PPP2R2B: variants seen among roughly 807,000 people sequenced by gnomAD.
PPP2R2B encodes serine/threonine-protein phosphatase 2A 55 kDa regulatory subunit B beta isoform.
PPP2R2B carries 5 observed loss-of-function variants against 46.0 expected under a neutral mutation model. The observed-to-expected ratio is 0.11, with a 90% CI of 0.06 to 0.23. PPP2R2B has a LOEUF of 0.23. PPP2R2B is among the 10% of genes least tolerant of loss of function. The pLI is 1.00. For synonymous variants in PPP2R2B, 215 were observed against 206.7 expected, an observed-to-expected ratio of 1.04 and a Z score of -0.34; for missense variants, 367 against 575.0, an observed-to-expected ratio of 0.64 and a Z score of 3.70.
chr5:146,901,173 C>CAGAT (rs577661877), intron 1 of PPP2R2B, among the ~76,000 whole-genome samples: 170 of 152,248 alleles, frequency 1.1e-3, no homozygotes, highest in Non-Finnish European at 2.1e-3. Flanking sequence ...GCTTCCATTA[C>CAGAT]AGATAGTTAA....
intron 1 of PPP2R2B, among the ~76,000 whole-genome samples, chr5:146,905,324 A>G (rs1762961766): frequency 6.6e-6 from 1 of 152,254 alleles, no homozygotes; most frequent in Admixed American, 6.5e-5. Flanking sequence ...CCTCTCCTGC[A>G]TATTTATTAG....
intron 1 of PPP2R2B, among the ~76,000 whole-genome samples, chr5:146,930,405 C>T (rs559501567): frequency 2.0e-5 from 3 of 152,126 alleles, no homozygotes; most frequent in Non-Finnish European, 4.4e-5. Context: ...ATAACACTAA[C>T]CCCTCTGGGT....
At chr5:147,080,116 CT>C (rs1178236646) in intron 2 of PPP2R2B, among the ~76,000 whole-genome samples, 1 of 152,162 alleles carries the variant, frequency 6.6e-6, no homozygotes, top group Non-Finnish European at 1.5e-5. Context: ...AATAAACTGC[CT>C]CTTTCAAATT....
At chr5:146,641,651 G>A (rs1029634561) in intron 6 of PPP2R2B, among the ~76,000 whole-genome samples, 1 of 151,952 alleles carries the variant, frequency 6.6e-6, no homozygotes, top group Non-Finnish European at 1.5e-5. Context: ...GTGACTTATG[G>A]GGATGATGGG....
intron 1 of PPP2R2B, among the ~76,000 whole-genome samples, chr5:146,931,285 G>A (rs575553644): frequency 6.6e-6 from 1 of 152,256 alleles, no homozygotes; most frequent in African/African-American, 2.4e-5. Flanking sequence ...CAATCTGCTT[G>A]TTATTCTTCT....
chr5:146,999,001 G>A lies in PPP2R2B; in HGVS notation c.79+56664C>T, dbSNP rs376016221. On this transcript the variant is annotated intron_variant, in intron 1 of 8. Transcript: ENST00000336640. ...TGCACTCCAGCCTGGGAGACAGAGCGAGACTCCATATCAAAAAAAAAAAAA... is the reference window on the plus strand; with the variant it reads ...TGCACTCCAGCCTGGGAGACAGAGCAAGACTCCATATCAAAAAAAAAAAAA... 7.9e-3 allele frequency among the ~76,000 whole-genome samples: 927 copies of A among 117,464 alleles called. 8 individuals carry two copies. The highest frequency in any genetic ancestry group is 0.028 in the African/African-American group (888 of 31,268). The allele number at this position is 117,464 out of a possible 152,430, so 77.1% of individuals were successfully genotyped here.
At chr5:146,629,685 C>T (rs1257422443) in intron 7 of PPP2R2B, among the ~76,000 whole-genome samples, 4 of 152,088 alleles carry the variant, frequency 2.6e-5, no homozygotes, top group African/African-American at 7.2e-5. Flanking sequence ...GCCTACCTCT[C>T]TGGCTTCACT....
intron 2 of PPP2R2B, among the ~76,000 whole-genome samples, chr5:146,740,427 A>T (rs2151219490): frequency 6.6e-6 from 1 of 152,282 alleles, no homozygotes; most frequent in South Asian, 2.1e-4. Flanking sequence ...CACCATGGGA[A>T]GAGGCTGTTG....
chr5:146,655,869 C>T (rs1305149729), intron 5 of PPP2R2B, among the ~76,000 whole-genome samples: 2 of 112,890 alleles, frequency 1.8e-5, no homozygotes, highest in African/African-American at 3.4e-5. Context: ...CTAGGCAGGG[C>T]TTGAAGGGTG....
At chr5:146,710,680 T>C (rs1193922338) in intron 2 of PPP2R2B, among the ~76,000 whole-genome samples, 1 of 152,270 alleles carries the variant, frequency 6.6e-6, no homozygotes, top group Non-Finnish European at 1.5e-5. Context: ...AGTAATTAAC[T>C]GCTCAGGCAA....
intron 2 of PPP2R2B, among the ~76,000 whole-genome samples, chr5:146,742,333 G>A (rs1039871132): frequency 3.9e-5 from 6 of 152,092 alleles, no homozygotes; most frequent in Non-Finnish European, 7.4e-5. Flanking sequence ...AAATCTTACC[G>A]TTGGAGAGAC....
chr5:147,039,586 ACTG>A (rs1756200862), intron 1 of PPP2R2B, among the ~76,000 whole-genome samples: 1 of 152,170 alleles, frequency 6.6e-6, no homozygotes, highest in Non-Finnish European at 1.5e-5. Flanking sequence ...ATTAGCCACA[ACTG>A]CTCAGAAACC....
chr5:146,733,162 A>G (rs1381438250), intron 2 of PPP2R2B, among the ~76,000 whole-genome samples: 3 of 152,302 alleles, frequency 2.0e-5, no homozygotes, highest in Non-Finnish European at 4.4e-5. Flanking sequence ...TGTTCCCGCA[A>G]TCTGGTTACT....
intron 2 of PPP2R2B, among the ~76,000 whole-genome samples, chr5:146,777,622 T>C (rs1316082617): frequency 6.6e-6 from 1 of 151,888 alleles, no homozygotes; most frequent in Admixed American, 6.6e-5. Flanking sequence ...AATTTTATGT[T>C]ATATATATTT....
chr5:146,778,906 A>C (rs930539323), intron 2 of PPP2R2B, among the ~76,000 whole-genome samples: 1 of 152,184 alleles, frequency 6.6e-6, no homozygotes, highest in Non-Finnish European at 1.5e-5. Flanking sequence ...CTATGGAAAA[A>C]CAGAGCCGGA....
At chr5:146,700,498 A>G (rs1019316683) in intron 3 of PPP2R2B, among the ~76,000 whole-genome samples, 9 of 152,126 alleles carry the variant, frequency 5.9e-5, no homozygotes. Flanking sequence ...TGTAGCACTC[A>G]GCTCCAGGGC....
At chr5:146,856,561 T>C in intron 2 of PPP2R2B, 2 of 1,612,940 alleles carry the variant, frequency 1.2e-6, no homozygotes, top group Non-Finnish European at 1.7e-6. Context: ...CACTATTCTC[T>C]GTCTTGGGTT....
chr5:146,820,859 C>T (rs543262669), intron 2 of PPP2R2B, among the ~76,000 whole-genome samples: 119 of 152,304 alleles, frequency 7.8e-4, no homozygotes, highest in African/African-American at 2.8e-3. Flanking sequence ...CACTTCTCAG[C>T]TGCACCATTG....
rs75518081 is a variant in PPP2R2B, at chr5:146,920,515, G to A, written c.79+135150C>T. 5.6e-3 allele frequency among the ~76,000 whole-genome samples: 860 copies of A among 152,312 alleles called. 28 individuals carry two copies. In the East Asian group the frequency reaches 0.068, roughly 12 times the overall value. ...TCTTCAGGGAGGGCAGTAACAATAT[G>A]CCACCTGATTGCTTTGTTCAGAAGT... On this transcript the variant is annotated intron_variant, in intron 1 of 8. Transcript: ENST00000336640.
Sources: gnomAD v4.1 joint callset for allele counts (sites outside exome capture counted in the v4.1 genomes callset) on GRCh38, gnomAD v4.1.1 for gene constraint, MANE v1.5 for transcripts, NCBI Gene and HGNC (gene_info 2026-07-23, HGNC 2026-07-21) for gene names.